SHISAL2A: variants seen among roughly 807,000 people sequenced by gnomAD.
The protein encoded by SHISAL2A is shisa like 2A.
In SHISAL2A, 18 loss-of-function variants were observed where a neutral mutation model predicts 11.5. The ratio of observed to expected loss-of-function variants is 1.57; its 90% CI spans 1.08 to 2.33. The LOEUF (loss-of-function observed/expected upper bound fraction) is 2.33, where lower values mean the gene tolerates loss of function less well. SHISAL2A is among the 30% of genes most tolerant of loss of function. The pLI is 0.00. For synonymous variants in SHISAL2A, 94 were observed against 99.6 expected (o/e 0.94, Z 0.34); for missense variants, 261 against 250.9 (o/e 1.04, Z -0.27).
intron 1 of SHISAL2A, among the ~76,000 whole-genome samples, chr1:52,637,489 C>T (rs1691263214): frequency 6.6e-6 from 1 of 152,180 alleles, no homozygotes; most frequent in South Asian, 2.1e-4. Flanking sequence ...TAAAATTGTG[C>T]CTCAGGAAGT....
At chr1:52,652,165 G>C (rs1691664331) in intron 2 of SHISAL2A, among the ~76,000 whole-genome samples, 1 of 152,210 alleles carries the variant, frequency 6.6e-6, no homozygotes, top group South Asian at 2.1e-4. Context: ...GCTGGGGATA[G>C]TTGGCCTTGA....
Position 52,656,968 on chromosome 1 carries a change from C to T in SHISAL2A, c.501C>T (p.Thr167=). The T allele has an allele frequency of 1.2e-6, 2 of 1,614,178 alleles. No individual in the cohort carries two copies. The highest frequency in any genetic ancestry group is 1.7e-6 in the Non-Finnish European group (2 of 1,180,022). Residue 167 remains threonine, a synonymous_variant, in exon 3 of 3, where the codon ACC becomes ACT. Transcript: ENST00000517870. The stretch of plus-strand genomic sequence containing the variant: ...ATCATTGCTTCATGGCCACAGTGAC[C>T]ACCAGTGACATTCCAGGCAGCCCTG... ...LLHHCFMATV[T]TSDIPGSPEE... is the part of the protein sequence containing the mutation.
rs761848984 is a variant in SHISAL2A, at chr1:52,633,631, G to T, written c.138G>T (p.Pro46=). The T allele has an allele frequency of 1.9e-6, 3 of 1,612,806 alleles. No individual in the cohort carries two copies. The highest frequency in any genetic ancestry group is 2.7e-5 in the African/African-American group (2 of 74,890). ...FRDHKYCCDD[P]HSFFPYEHSY... is the part of the protein sequence containing the mutation. Reference sequence around the variant, plus strand: ...ACCACAAGTACTGCTGCGACGACCCGCACAGCTTCTTCCCCTACGAGCACA... The same window carrying T: ...ACCACAAGTACTGCTGCGACGACCCTCACAGCTTCTTCCCCTACGAGCACA... Residue 46 remains proline (P), a synonymous_variant, in exon 1 of 3, where the codon CCG becomes CCT. Transcript: ENST00000517870. The surrounding 1 kb of genome is among the most constrained non-coding windows in gnomAD (Gnocchi z 6.4).
At chr1:52,667,254 G>A (rs1692030452) in intron 4 of SHISAL2A, 1 of 208,626 alleles carries the variant, frequency 4.8e-6, no homozygotes, top group Non-Finnish European at 8.3e-6. Context: ...CACCTACCTT[G>A]CAGGAATGGA....
At chr1:52,643,878 A>G (rs35548871) in intron 2 of SHISAL2A, among the ~76,000 whole-genome samples, 1 of 143,220 alleles carries the variant, frequency 7.0e-6, no homozygotes, top group Non-Finnish European at 1.5e-5. Flanking sequence ...GAAAGAGAGA[A>G]AGAGAGAGAG....
At chr1:52,638,522 T>C (rs1691288065) in intron 1 of SHISAL2A, among the ~76,000 whole-genome samples, 1 of 152,174 alleles carries the variant, frequency 6.6e-6, no homozygotes, top group Non-Finnish European at 1.5e-5. Flanking sequence ...AGTAATCCAG[T>C]GTCTAAGCTT....
chr1:52,668,224 GAAAGTCTGAAGGT>G (rs1692047337), intron 5 of SHISAL2A, among the ~76,000 whole-genome samples: 1 of 152,178 alleles, frequency 6.6e-6, no homozygotes, highest in Non-Finnish European at 1.5e-5. Flanking sequence ...AATAGCTGGG[GAAAGTCTGAAGGT>G]AATTAGACCT....
chr1:52,664,734 G>A (rs1354125700), intron 4 of SHISAL2A, among the ~76,000 whole-genome samples: 2 of 152,144 alleles, frequency 1.3e-5, no homozygotes, highest in African/African-American at 4.8e-5. Context: ...CTGACCTCGT[G>A]ATCCGCCTGC....
chr1:52,666,578 A>ACGCG (rs953339591), intron 4 of SHISAL2A, among the ~76,000 whole-genome samples: 1 of 145,914 alleles, frequency 6.9e-6, no homozygotes, highest in Non-Finnish European at 1.5e-5. Flanking sequence ...TTCTGTGCAC[A>ACGCG]CGCGCGTGTG....
downstream of SHISAL2A, among the ~76,000 whole-genome samples, chr1:52,659,137 C>T (rs1351661142): frequency 6.6e-6 from 1 of 151,896 alleles, no homozygotes; most frequent in Admixed American, 6.6e-5. Flanking sequence ...GAGATCATAG[C>T]TCACTGCAAC....
intron 2 of SHISAL2A, among the ~76,000 whole-genome samples, chr1:52,649,890 A>C (rs1477283378): frequency 6.6e-6 from 1 of 152,198 alleles, no homozygotes. Flanking sequence ...TTAGTCAGCC[A>C]TTCTCATCAA....
At chr1:52,657,723 C>T (rs1300925699), downstream of SHISAL2A, among the ~76,000 whole-genome samples, 1 of 152,122 alleles carries the variant, frequency 6.6e-6, no homozygotes, top group Admixed American at 6.5e-5. Flanking sequence ...CATGTGGTGG[C>T]TTATACCTGT....
At chr1:52,660,534 G>A (rs1691888201), downstream of SHISAL2A, among the ~76,000 whole-genome samples, 2 of 152,106 alleles carry the variant, frequency 1.3e-5, no homozygotes. Context: ...CACATCGACC[G>A]GCAATTATTT....
chr1:52,645,007 ACT>A (rs1178041569), intron 2 of SHISAL2A, among the ~76,000 whole-genome samples: 20 of 147,038 alleles, frequency 1.4e-4, no homozygotes, highest in African/African-American at 4.3e-4. Context: ...ACAGAGCAAG[ACT>A]CTGTCTCCAA....
chr1:52,642,733 T>C, intron 1 of SHISAL2A, 130 bp from the exon 2 acceptor site: 1 of 1,014,372 alleles, frequency 9.9e-7, no homozygotes, highest in Non-Finnish European at 1.4e-6. Flanking sequence ...CTAAAATTTT[T>C]TTTAAATATT....
intron 2 of SHISAL2A, among the ~76,000 whole-genome samples, chr1:52,655,950 G>C (rs922508459): frequency 6.6e-6 from 1 of 152,168 alleles, no homozygotes; most frequent in African/African-American, 2.4e-5. Context: ...GGAGAGAAAT[G>C]GGTGGATACC....
downstream of SHISAL2A, among the ~76,000 whole-genome samples, chr1:52,660,770 G>A (rs1044785431): frequency 3.3e-5 from 5 of 152,130 alleles, no homozygotes; most frequent in East Asian, 1.9e-4. Flanking sequence ...TTTCTCAGAC[G>A]TTCACATTTG....
chr1:52,659,043 TG>T (rs1691854741), downstream of SHISAL2A, among the ~76,000 whole-genome samples: 3 of 96,152 alleles, frequency 3.1e-5, no homozygotes, highest in Non-Finnish European at 7.2e-5. Flanking sequence ...GTGGTGGTGG[TG>T]TGTGTGTGTG....
At chr1:52,663,780 A>G (rs922309535) in intron 4 of SHISAL2A, among the ~76,000 whole-genome samples, 2 of 152,146 alleles carry the variant, frequency 1.3e-5, no homozygotes, top group Admixed American at 6.6e-5. Flanking sequence ...GAAAAGAAAG[A>G]AAGAAAATCA....
Sources: allele counts gnomAD v4.1 joint callset (sites outside exome capture counted in the v4.1 genomes callset), GRCh38; gene constraint gnomAD v4.1.1; non-coding constraint Gnocchi (gnomAD v3.1); transcripts MANE v1.5; gene names NCBI Gene and HGNC (gene_info 2026-07-23, HGNC 2026-07-21).